The following ZNF143 variants were observed in gnomAD, a reference collection of about 807,000 sequenced individuals.
ZNF143 encodes the protein zinc finger protein 143.
In ZNF143, 49 loss-of-function variants were observed where a neutral mutation model predicts 74.1. The observed-to-expected ratio is 0.66, with a 90% confidence interval of 0.53 to 0.84. The LOEUF is 0.84. ZNF143 is among the 40% of genes least tolerant of loss of function. The pLI, the probability that ZNF143 is intolerant of heterozygous loss-of-function variation, is 0.00. For synonymous variants in ZNF143, 304 were observed against 282.8 expected (o/e 1.07, Z -0.75); for missense variants, 637 against 793.4 (o/e 0.80, Z 2.37).
chr11:9,486,369 A>ATAATATATTATATATATAATATATG (rs1565038652), intron 7 of ZNF143, among the ~76,000 whole-genome samples: 62 of 42,230 alleles, frequency 1.5e-3, no homozygotes, highest in African/African-American at 5.6e-3. Context: ...TATATTATAT[A>ATAATATATTATATATATAATATATG]TAATATATTA....
chr11:9,514,903 C>T (rs1226182513), intron 13 of ZNF143, among the ~76,000 whole-genome samples: 4 of 152,108 alleles, frequency 2.6e-5, no homozygotes, highest in Admixed American at 6.5e-5. Flanking sequence ...CCAAGGCAGG[C>T]GGATCACCTG....
intron 14 of ZNF143, among the ~76,000 whole-genome samples, chr11:9,520,025 A>ATTTTTTTTTTTTTTTT (rs954404348): frequency 1.2e-4 from 11 of 91,386 alleles, no homozygotes; most frequent in African/African-American, 4.3e-4. Context: ...GTTTCCACCA[A>ATTTTTTTTTTTTTTTT]TTTTTTTTTT....
At chr11:9,496,864 CT>C (rs1262148629) in intron 9 of ZNF143, among the ~76,000 whole-genome samples, 19 of 152,296 alleles carry the variant, frequency 1.2e-4, no homozygotes, top group Admixed American at 2.6e-4. Flanking sequence ...TCCCAAAATG[CT>C]GGGATTACAG....
Position 9,496,290 on chromosome 11 carries a change from A to C in ZNF143, c.766-13A>C. ...GTAAAGGAAATAGAATCATGCCTGCATTTTAATCACAGGTCCATGAGAGGT... is the reference window on the plus strand; with the variant it reads ...GTAAAGGAAATAGAATCATGCCTGCCTTTTAATCACAGGTCCATGAGAGGT... On this transcript the variant is annotated splice_polypyrimidine_tract_variant and intron_variant, in intron 8 of 15. Transcript: ENST00000396602. 6.2e-7 allele frequency: 1 copy of C among 1,613,776 alleles called. No homozygotes were observed. The highest frequency in any genetic ancestry group is 1.6e-4 in the Middle Eastern group (1 of 6,062).
chr11:9,463,228 A>G (rs1855979457), intron 1 of ZNF143, among the ~76,000 whole-genome samples: 1 of 152,234 alleles, frequency 6.6e-6, no homozygotes, highest in Admixed American at 6.5e-5. Context: ...ATTACACATA[A>G]TGCTATGAAC....
At chr11:9,466,795 A>G (rs1265628445) in intron 1 of ZNF143, among the ~76,000 whole-genome samples, 1 of 152,130 alleles carries the variant, frequency 6.6e-6, no homozygotes, top group East Asian at 1.9e-4. Flanking sequence ...GACTGTTTTT[A>G]GACTGAAACG....
At chr11:9,492,432 A>G (rs376200647) in intron 7 of ZNF143, among the ~76,000 whole-genome samples, 4 of 151,692 alleles carry the variant, frequency 2.6e-5, no homozygotes, top group African/African-American at 7.3e-5. Context: ...TATTTTTAGT[A>G]GAGACAGGGT....
chr11:9,462,609 C>T (rs916770515), intron 1 of ZNF143, among the ~76,000 whole-genome samples: 1 of 151,604 alleles, frequency 6.6e-6, no homozygotes, highest in African/African-American at 2.4e-5. Context: ...TGTGGTGGCT[C>T]ACACCTGTAA....
chr11:9,526,433 T>C (rs1849129234), intron 15 of ZNF143, among the ~76,000 whole-genome samples: 1 of 152,166 alleles, frequency 6.6e-6, no homozygotes. Flanking sequence ...AGATTTTTTT[T>C]CCGCCCACGT....
chr11:9,479,549 A>G lies in ZNF143; in HGVS notation c.645+3A>G, dbSNP rs199615633. The G allele has an allele frequency of 1.4e-5, 23 of 1,610,654 alleles. No homozygotes were observed. Among genetic ancestry groups the G allele is most frequent in the South Asian group, 4.4e-5 (4 of 90,824 alleles). On this transcript the variant is annotated splice_donor_region_variant and intron_variant, in intron 7 of 15. Coordinates refer to ENST00000396602, the MANE Select transcript of ZNF143 (RefSeq NM_003442.6). ...ATGAGCAAGAGAAAAAAATGCAGGTATGTAAAGCTACTTTTTAATATAAAA... is the reference window on the plus strand; with the variant it reads ...ATGAGCAAGAGAAAAAAATGCAGGTGTGTAAAGCTACTTTTTAATATAAAA...
intron 5 of ZNF143, among the ~76,000 whole-genome samples, chr11:9,474,925 G>T (rs1415257142): frequency 2.0e-5 from 3 of 152,300 alleles, no homozygotes; most frequent in Admixed American, 6.5e-5. Flanking sequence ...GTCTCACTCT[G>T]TTGCCAGGCT....
intron 1 of ZNF143, among the ~76,000 whole-genome samples, chr11:9,465,269 C>G (rs1318246066): frequency 6.6e-6 from 1 of 151,982 alleles, no homozygotes; most frequent in Non-Finnish European, 1.5e-5. Flanking sequence ...TCACTGCAAC[C>G]TCCGCCTCCC....
chr11:9,480,513 T>C (rs1427164316), intron 7 of ZNF143, among the ~76,000 whole-genome samples: 1 of 152,164 alleles, frequency 6.6e-6, no homozygotes, highest in African/African-American at 2.4e-5. Context: ...AGTGATACTG[T>C]TAGGGGTTAT....
chr11:9,503,687 G>A (rs1848247923), intron 11 of ZNF143, among the ~76,000 whole-genome samples: 1 of 149,488 alleles, frequency 6.7e-6, no homozygotes, highest in South Asian at 2.1e-4. Context: ...GTCTCGCCCA[G>A]GCTGGAGTGT....
intron 2 of ZNF143, among the ~76,000 whole-genome samples, chr11:9,471,654 G>C (rs554835121): frequency 6.0e-5 from 9 of 150,328 alleles, no homozygotes; most frequent in Non-Finnish European, 1.2e-4. Flanking sequence ...CCAAGTCCAA[G>C]TGATTCTCCT....
In ZNF143 at chr11:9,466,917, AGAGTCTCTCT is replaced by A. The variant is rs1856263546; in HGVS notation, c.-7-4383_-7-4374del. 2.6e-5 allele frequency among the ~76,000 whole-genome samples: 4 copies of A among 151,684 alleles called. No individual in the cohort carries two copies. The South Asian group carries it at 8.3e-4, about 32-fold the overall frequency. ...GTGTGTGTGTGTGTTTTTTTGACAC[AGAGTCTCTCT>A]GTGTCACCCAGGCTGGAGTGCAGTG... On this transcript the variant is annotated intron_variant, in intron 1 of 15. Coordinates refer to ENST00000396602, the MANE Select transcript of ZNF143 (RefSeq NM_003442.6).
intron 12 of ZNF143, among the ~76,000 whole-genome samples, chr11:9,511,671 C>T (rs540930969): frequency 1.3e-5 from 2 of 151,858 alleles, no homozygotes; most frequent in African/African-American, 4.8e-5. Context: ...CTCCCAACCT[C>T]AGGTGATCTG....
intron 7 of ZNF143, among the ~76,000 whole-genome samples, chr11:9,484,189 G>GT (rs1296701945): frequency 6.6e-6 from 1 of 150,932 alleles, no homozygotes; most frequent in Non-Finnish European, 1.5e-5. Context: ...CTAGTACTTG[G>GT]TTTTTTGTGG....
intron 5 of ZNF143, among the ~76,000 whole-genome samples, chr11:9,475,402 C>T (rs1455504707): frequency 1.3e-5 from 2 of 152,098 alleles, no homozygotes; most frequent in East Asian, 1.9e-4. Context: ...TAGGACTACA[C>T]GTGTGTGTCA....
Sources: allele counts gnomAD v4.1 joint callset (sites outside exome capture counted in the v4.1 genomes callset), GRCh38; gene constraint gnomAD v4.1.1; transcripts MANE v1.5; gene names NCBI Gene and HGNC (gene_info 2026-07-23, HGNC 2026-07-21).